Variants in RGS12 observed in about 807,000 individuals in gnomAD.
The protein encoded by RGS12 is regulator of G-protein signaling 12.
Under a neutral mutation model 120.1 loss-of-function variants are expected in RGS12, and 66 were observed. The observed-to-expected ratio is 0.55, with a 90% CI of 0.45 to 0.67. The LOEUF is 0.67. Ranked by LOEUF, RGS12 falls within the 30% of genes least tolerant of loss-of-function variation. The pLI is 0.00. For synonymous variants in RGS12, 827 were observed against 804.7 expected (o/e 1.03, Z -0.47); for missense variants, 1,859 against 1,957.7 (o/e 0.95, Z 0.95).
chr4:3,363,434 C>A (rs1046978105), intron 3 of RGS12, among the ~76,000 whole-genome samples: 1 of 152,044 alleles, frequency 6.6e-6, no homozygotes, highest in African/African-American at 2.4e-5. Flanking sequence ...CCAGCCTCCC[C>A]GAGAGACCCC....
At chr4:3,401,555 T>C (rs1157872263) in intron 4 of RGS12, among the ~76,000 whole-genome samples, 1 of 152,258 alleles carries the variant, frequency 6.6e-6, no homozygotes, top group African/African-American at 2.4e-5. Context: ...GTTCTCACGC[T>C]GTCCCTGTGA....
At chr4:3,393,612 C>A (rs966519416) in intron 4 of RGS12, among the ~76,000 whole-genome samples, 1 of 152,204 alleles carries the variant, frequency 6.6e-6, no homozygotes, top group Non-Finnish European at 1.5e-5. Flanking sequence ...CTTCTGGTGA[C>A]TGTGGTCCAA....
chr4:3,353,759 TTG>T (rs1714608641), intron 3 of RGS12, among the ~76,000 whole-genome samples: 1 of 152,190 alleles, frequency 6.6e-6, no homozygotes, highest in Non-Finnish European at 1.5e-5. Context: ...TGTGGATCTG[TTG>T]TGAGCTAGAC....
Position 3,316,066 on chromosome 4 carries a change from T to G in RGS12, c.-101-4T>G. ...ATAATGAGCTGTTCGTTTTTCTTTC[T>G]TAGGGCACTGTTTGAAGAAGCAAAC... On this transcript the variant is annotated splice_region_variant and splice_polypyrimidine_tract_variant and intron_variant, in intron 1 of 17. Coordinates refer to ENST00000336727, the MANE Select transcript of RGS12 (RefSeq NM_001394154.1). 6.7e-6 allele frequency: 8 copies of G among 1,202,612 alleles called. No individual in the cohort carries two copies. Among genetic ancestry groups the G allele is most frequent in the South Asian group, 1.7e-5 (1 of 59,648 alleles). 74.5% of individuals were successfully genotyped at this position (1,202,612 alleles called of 1,614,324 possible). A position where few individuals can be genotyped will look rare whatever the true frequency, so the allele number is the denominator to read the frequency against.
intron 3 of RGS12, among the ~76,000 whole-genome samples, chr4:3,362,981 G>T (rs1715865131): frequency 6.6e-6 from 1 of 151,544 alleles, no homozygotes. Flanking sequence ...GTGTGTGAGG[G>T]TGTGTATATG....
At chr4:3,311,284 C>T (rs1296927063) in intron 1 of RGS12, among the ~76,000 whole-genome samples, 1 of 152,194 alleles carries the variant, frequency 6.6e-6, no homozygotes, top group Non-Finnish European at 1.5e-5. Flanking sequence ...CATCGTAGCT[C>T]AGGCCTAGGA....
At chr4:3,383,327 T>C (rs1718461988) in intron 3 of RGS12, among the ~76,000 whole-genome samples, 1 of 151,966 alleles carries the variant, frequency 6.6e-6, no homozygotes, top group African/African-American at 2.4e-5. Flanking sequence ...CATGTTTGGG[T>C]GGGGCATGGA....
intron 3 of RGS12, among the ~76,000 whole-genome samples, chr4:3,370,542 G>A (rs1294086580): frequency 6.6e-6 from 1 of 152,238 alleles, no homozygotes; most frequent in Non-Finnish European, 1.5e-5. Flanking sequence ...CGACACACCC[G>A]GCCGCCGGCC....
In RGS12 at chr4:3,423,585, C is replaced by T. The variant is rs760796115; in HGVS notation, c.3178C>T (p.Leu1060=). The change falls in exon 13 of 18, where the codon CTG becomes TTG. Residue 1060 remains leucine (L), a synonymous_variant. Coordinates refer to ENST00000336727, the MANE Select transcript of RGS12 (RefSeq NM_001394154.1). The part of the protein sequence containing the change: ...AKPTKPVTEV[L]RPVVARYGLD... ...GCCCACCAAGCCCGTCACGGAGGTG[C>T]TGCGGCCCGTGGTGGCCAGATACGG... 3.1e-6 allele frequency: 5 copies of T among 1,612,484 alleles called. No individual in the cohort carries two copies. Among genetic ancestry groups the T allele is most frequent in the Admixed American group, 3.3e-5 (2 of 59,994 alleles).
intron 16 of RGS12, 59 bp from the exon 17 acceptor site, chr4:3,430,348 T>C (rs1382012360): frequency 2.3e-5 from 34 of 1,454,268 alleles, no homozygotes; most frequent in South Asian, 5.0e-5. Flanking sequence ...TGTTCTGCGG[T>C]GACAGTCATT....
At chr4:3,324,005 C>T (rs1347410402) in intron 2 of RGS12, 1 of 152,210 alleles carries the variant, frequency 6.6e-6, no homozygotes, top group Non-Finnish European at 1.5e-5. Context: ...GGTTCTGTGG[C>T]CTTTGCCTTT....
At chr4:3,291,348 CTT>C (rs66464754), upstream of RGS12, among the ~76,000 whole-genome samples, 47 of 132,976 alleles carry the variant, frequency 3.5e-4, no homozygotes, top group African/African-American at 8.9e-4. Context: ...TTTCCTGGCT[CTT>C]TTTTTTTTTT....
the RGS12 span, among the ~76,000 whole-genome samples, chr4:3,286,424 A>G: frequency 6.6e-6 from 1 of 152,228 alleles, no homozygotes; most frequent in African/African-American, 2.4e-5. Flanking sequence ...GCTCCTACAT[A>G]AAAAGCAGCT....
At chr4:3,356,899 GGGCATAT>G (rs1714946670) in intron 3 of RGS12, among the ~76,000 whole-genome samples, 1 of 152,016 alleles carries the variant, frequency 6.6e-6, no homozygotes, top group Non-Finnish European at 1.5e-5. Flanking sequence ...CCATTCTTTT[GGGCATAT>G]CCCAAAAGTG....
At chr4:3,425,632 G>A (rs535634877) in intron 14 of RGS12, 72 bp downstream of exon 14, 26 of 1,150,884 alleles carry the variant, frequency 2.3e-5, no homozygotes, top group African/African-American at 9.9e-5. Flanking sequence ...CTATGGAGCC[G>A]GTGCAGGGGA....
rs1233680966 is a variant in RGS12, at chr4:3,317,523, C to G, written c.1353C>G (p.Gly451=). ...TGGGTGGGAGCTCGAGCAGACACGG[C>G]CCCGGAGGCAGCGCGTGGGACGGTG... ...VDLGGSSSRH[G]PGGSAWDGVG... Residue 451 remains glycine (G), a synonymous_variant, in exon 2 of 18, where the codon GGC becomes GGG. Transcript: ENST00000336727. 1 of 1,611,864 alleles carries G rather than the reference C, an allele frequency of 6.2e-7. No individual in the cohort carries two copies. Among genetic ancestry groups the G allele is most frequent in the Non-Finnish European group, 8.5e-7 (1 of 1,179,888 alleles).
chr4:3,387,254 C>T (rs546456067), intron 4 of RGS12, among the ~76,000 whole-genome samples: 6 of 152,192 alleles, frequency 3.9e-5, no homozygotes, highest in South Asian at 2.1e-4. Flanking sequence ...GCCCAGGGGC[C>T]GGTGGGTTTG....
intron 17 of RGS12, chr4:3,431,847 C>G: frequency 1.0e-6 from 1 of 985,630 alleles, no homozygotes; most frequent in Non-Finnish European, 1.2e-6. Flanking sequence ...ATGCTGACAG[C>G]AGTGAGAGGC....
At chr4:3,423,259 C>T (rs1281388793) in intron 12 of RGS12, among the ~76,000 whole-genome samples, 2 of 152,216 alleles carry the variant, frequency 1.3e-5, no homozygotes, top group East Asian at 1.9e-4. Context: ...GGAGTGCTCT[C>T]TGTAGGGTGG....
Sources: gnomAD v4.1 joint callset for allele counts (sites outside exome capture counted in the v4.1 genomes callset) on GRCh38, gnomAD v4.1.1 for gene constraint, MANE v1.5 for transcripts, NCBI Gene and HGNC (gene_info 2026-07-23, HGNC 2026-07-21) for gene names.